Variants in FZD3 observed in about 807,000 individuals in gnomAD.
FZD3 encodes frizzled class receptor 3, also known as frizzled-3.
In FZD3, 30 loss-of-function variants were observed where a neutral mutation model predicts 60.7. The observed-to-expected ratio is 0.49, with a 90% confidence interval of 0.37 to 0.67. FZD3 has a LOEUF of 0.67. Ranked by LOEUF, FZD3 falls within the 30% of genes least tolerant of loss-of-function variation. The pLI, the probability that FZD3 is intolerant of heterozygous loss-of-function variation, is 0.00. For missense variants in FZD3, 605 were observed against 838.7 expected (o/e 0.72, Z 3.44); for synonymous variants, 246 against 275.2 (o/e 0.89, Z 1.05).
chr8:28,540,697 C>T (rs1315720786), intron 5 of FZD3, among the ~76,000 whole-genome samples: 1 of 152,100 alleles, frequency 6.6e-6, no homozygotes, highest in Non-Finnish European at 1.5e-5. Flanking sequence ...GTAATCCTAG[C>T]ACTTTGGGAG....
intron 5 of FZD3, among the ~76,000 whole-genome samples, chr8:28,542,256 C>T (rs914676989): frequency 3.3e-5 from 5 of 152,142 alleles, no homozygotes; most frequent in African/African-American, 1.2e-4. Context: ...CTTGTTCTGT[C>T]AGGATTATTG....
rs1479508080 is a variant in FZD3, at chr8:28,518,072, C to CT, written c.190-2565dup. Reference sequence around the variant, plus strand: ...TTTATTTCAGAGACAGGGTCTCACTCTGTCTCCCAGGCTGAATGTAGTGAT... The same window carrying CT: ...TTTATTTCAGAGACAGGGTCTCACTCTTGTCTCCCAGGCTGAATGTAGTGAT... On this transcript the variant is annotated intron_variant, in intron 3 of 7. Coordinates refer to ENST00000240093, the MANE Select transcript of FZD3 (RefSeq NM_017412.4). 9.2e-5 allele frequency among the ~76,000 whole-genome samples: 14 copies of CT among 152,222 alleles called. No individual in the cohort carries two copies. The East Asian group carries it at 2.7e-3, about 29-fold the overall frequency.
intron 2 of FZD3, among the ~76,000 whole-genome samples, chr8:28,501,403 A>G (rs1194351690): frequency 2.0e-5 from 3 of 152,170 alleles, no homozygotes; most frequent in African/African-American, 7.2e-5. Context: ...CACTTAAGCC[A>G]AAGCAGTTCC....
chr8:28,535,601 C>T (rs1169791683), intron 5 of FZD3, among the ~76,000 whole-genome samples: 2 of 152,060 alleles, frequency 1.3e-5, no homozygotes, highest in Admixed American at 6.5e-5. Flanking sequence ...CCATTTTTAG[C>T]AAGAACACTC....
intron 3 of FZD3, among the ~76,000 whole-genome samples, chr8:28,507,751 GT>G (rs1189139654): frequency 5.9e-5 from 8 of 136,036 alleles, no homozygotes; most frequent in Admixed American, 1.4e-4. Flanking sequence ...GAGGGTTTTT[GT>G]TTTTTTTTTG....
In FZD3 at chr8:28,521,430, A is replaced by G. The variant is rs61294984; in HGVS notation, c.386+596A>G. On this transcript the variant is annotated intron_variant, in intron 4 of 7. Transcript: ENST00000240093. Reference sequence around the variant, plus strand: ...ATGTGATAATGTTTTACCTATTTGTATTCTGAAATATTTCAAGGATAAAGA... The same window carrying G: ...ATGTGATAATGTTTTACCTATTTGTGTTCTGAAATATTTCAAGGATAAAGA... 4.6e-3 allele frequency among the ~76,000 whole-genome samples: 698 copies of G among 152,216 alleles called. 23 individuals carry two copies. The East Asian group carries it at 0.088, about 19-fold the overall frequency.
At chr8:28,543,869 G>A (rs1805233825) in intron 5 of FZD3, among the ~76,000 whole-genome samples, 2 of 152,034 alleles carry the variant, frequency 1.3e-5, no homozygotes, top group Admixed American at 6.6e-5. Flanking sequence ...AGGCTCATAG[G>A]CTATTAGAAT....
At chr8:28,513,468 C>T (rs1189292086) in intron 3 of FZD3, among the ~76,000 whole-genome samples, 1 of 152,136 alleles carries the variant, frequency 6.6e-6, no homozygotes, top group Non-Finnish European at 1.5e-5. Context: ...TATCACAGAA[C>T]ATTTTTAAAA....
At chr8:28,500,723 A>G (rs1218937214) in intron 2 of FZD3, among the ~76,000 whole-genome samples, 1 of 152,186 alleles carries the variant, frequency 6.6e-6, no homozygotes, top group Non-Finnish European at 1.5e-5. Context: ...GCTGCATGGT[A>G]ATTAAGATAA....
At position 28,571,408 on chromosome 8, in the gene FZD3, A is replaced by T. The variant is rs190101957; in HGVS notation, c.*8397A>T. The T allele has an allele frequency of 2.6e-5, 4 of 152,154 alleles. No homozygotes were observed. Among genetic ancestry groups the T allele is most frequent in the African/African-American group, 9.7e-5 (4 of 41,438 alleles). 9.4% of individuals were successfully genotyped at this position (152,154 alleles called of 1,614,324 possible). ...CTTTACATTGAGCTGAGGTGAATGT[A>T]TACTTAAAAATACTCTATTTTCTTT... On this transcript the variant is annotated 3_prime_UTR_variant, in exon 8 of 8. Coordinates refer to ENST00000240093, the MANE Select transcript of FZD3 (RefSeq NM_017412.4).
At chr8:28,553,699 C>T (rs780106785) in intron 6 of FZD3, among the ~76,000 whole-genome samples, 12 of 152,198 alleles carry the variant, frequency 7.9e-5, no homozygotes, top group Non-Finnish European at 1.5e-4. Context: ...TTGTGATCTT[C>T]CAAGCCAGAA....
At position 28,527,780 on chromosome 8, in the gene FZD3, A is replaced by T; in HGVS notation, c.1020A>T (p.Gly340=). 1 of 1,614,158 alleles carries T rather than the reference A, an allele frequency of 6.2e-7. No individual in the cohort carries two copies. The highest frequency in any genetic ancestry group is 8.5e-7 in the Non-Finnish European group (1 of 1,180,012). The change falls in exon 5 of 8, where the codon GGA becomes GGT. Residue 340 remains glycine (G), a synonymous_variant. Coordinates refer to ENST00000240093, the MANE Select transcript of FZD3 (RefSeq NM_017412.4). This position sits in a 1 kb window ranked among gnomAD's most constrained non-coding sequence, Gnocchi z 5.0. ...ACGCCAGTGCATGGGGCATCCCCGG[A>T]ACTCTAACCATCATCCTTTTAGCGA... is the stretch of plus-strand genomic sequence containing the variant. The part of the protein sequence containing the change: ...LFHASAWGIP[G]TLTIILLAMN...
intron 4 of FZD3, 40 bp downstream of exon 4, chr8:28,520,874 TG>T (rs1169017253): frequency 1.5e-6 from 2 of 1,333,532 alleles, no homozygotes; most frequent in Non-Finnish European, 2.1e-6. Flanking sequence ...TTTCTTATGT[TG>T]CAATATGTTT....
At chr8:28,540,355 G>A (rs527565217) in intron 5 of FZD3, among the ~76,000 whole-genome samples, 1 of 152,118 alleles carries the variant, frequency 6.6e-6, no homozygotes, top group South Asian at 2.1e-4. Context: ...TCAGCCTTCC[G>A]AGTAGCTGGG....
intron 6 of FZD3, among the ~76,000 whole-genome samples, chr8:28,554,818 A>G (rs1453358934): frequency 2.6e-5 from 4 of 152,178 alleles, no homozygotes; most frequent in Non-Finnish European, 5.9e-5. Context: ...GAGAATTTAT[A>G]ATATATGTAA....
At chr8:28,524,368 A>G (rs1378968240) in intron 4 of FZD3, among the ~76,000 whole-genome samples, 1 of 152,178 alleles carries the variant, frequency 6.6e-6, no homozygotes, top group Non-Finnish European at 1.5e-5. Flanking sequence ...TATGTATTTA[A>G]TGATTCTGAA....
Position 28,516,236 on chromosome 8 carries a change from G to A in FZD3, c.190-4402G>A, listed in dbSNP as rs560291912. The stretch of plus-strand genomic sequence containing the variant: ...CATGTGATGGTTTAATTCTGGACTC[G>A]TAATTCTATCCCATTAAGCTACATG... On this transcript the variant is annotated intron_variant, in intron 3 of 7. Coordinates refer to ENST00000240093, the MANE Select transcript of FZD3 (RefSeq NM_017412.4). 2.6e-5 allele frequency among the ~76,000 whole-genome samples: 4 copies of A among 152,162 alleles called. No individual in the cohort carries two copies. In the East Asian group the frequency reaches 5.8e-4, roughly 22 times the overall value.
rs1805777678 is a variant in FZD3 at position 28,570,096 on chromosome 8, T to C, written c.*7085T>C. 6.6e-6 allele frequency: 1 copy of C among 152,256 alleles called. No homozygotes were observed. Among genetic ancestry groups the C allele is most frequent in the Non-Finnish European group, 1.5e-5 (1 of 68,032 alleles). 9.4% of individuals were successfully genotyped at this position (152,256 alleles called of 1,614,324 possible). A position where few individuals can be genotyped will look rare whatever the true frequency, so the allele number is the denominator to read the frequency against. On this transcript the variant is annotated 3_prime_UTR_variant, in exon 8 of 8. Transcript: ENST00000240093. The stretch of plus-strand genomic sequence containing the variant: ...GCCATGGGCAAGTGAATGTCTTCAT[T>C]TGAAATATTATTAGAGATCAATGTG...
At chr8:28,547,174 T>C (rs1271907491) in intron 5 of FZD3, among the ~76,000 whole-genome samples, 1 of 152,120 alleles carries the variant, frequency 6.6e-6, no homozygotes, top group Non-Finnish European at 1.5e-5. Flanking sequence ...TGCTCCCTCT[T>C]TTTTTACTCA....
Sources: gnomAD v4.1 joint callset for allele counts (sites outside exome capture counted in the v4.1 genomes callset) on GRCh38, gnomAD v4.1.1 for gene constraint, Gnocchi (gnomAD v3.1) non-coding constraint, MANE v1.5 for transcripts, NCBI Gene and HGNC (gene_info 2026-07-23, HGNC 2026-07-21) for gene names.